SLC1A6: variants seen among roughly 807,000 people sequenced by gnomAD.
SLC1A6 encodes the protein solute carrier family 1 member 6.
A neutral mutation model predicts 42.1 loss-of-function variants in SLC1A6; 15 were observed. The ratio of observed to expected loss-of-function variants is 0.36; its 90% CI spans 0.24 to 0.55. The LOEUF is 0.55. Among genes scored for constraint, SLC1A6 ranks in the 20% least tolerant of loss-of-function variants. The probability of loss-of-function intolerance (pLI) is 0.88; values close to 1 mark genes in which losing one functional copy is unlikely to be tolerated. For missense variants in SLC1A6, 542 were observed against 772.5 expected, an observed-to-expected ratio of 0.70 and a Z score of 3.54; for synonymous variants, 317 against 319.7, an observed-to-expected ratio of 0.99 and a Z score of 0.09.
intron 7 of SLC1A6, among the ~76,000 whole-genome samples, chr19:14,955,466 A>C (rs1480427456): frequency 8.6e-5 from 13 of 151,438 alleles, no homozygotes; most frequent in African/African-American, 2.9e-4. Flanking sequence ...GGGCTAAAAA[A>C]TTAGCCGGGA....
chr19:14,972,781 T>C lies in SLC1A6; in HGVS notation c.130A>G (p.Met44Val), dbSNP rs762561679. 5.0e-6 allele frequency: 8 copies of C among 1,613,840 alleles called. No individual in the cohort carries two copies. The highest frequency in any genetic ancestry group is 5.1e-6 in the Non-Finnish European group (6 of 1,179,972). Residue 44 changes from methionine to valine, a missense_variant, in exon 2 of 10, where the codon ATG becomes GTG. Met to Val is a conservative substitution (Grantham distance 21, BLOSUM62 1). Around this residue, in one of 6 missense-constraint regions of SLC1A6, gnomAD observed 88 missense variants for 85.5 expected, o/e 1.03. Coordinates refer to ENST00000594383, the MANE Select transcript of SLC1A6 (RefSeq NM_005071.3). ...ALRTRLRLQT[M>V]TLEHVLRFLR... is the part of the protein sequence containing the mutation. The stretch of plus-strand genomic sequence containing the variant: ...AAGCGCAGCACGTGCTCGAGGGTCA[T>C]GGTCTGCAGGCGCAGGCGCGTGCGC...
At chr19:15,005,333 A>C (rs1457656135) in intron 1 of SLC1A6, among the ~76,000 whole-genome samples, 1 of 151,944 alleles carries the variant, frequency 6.6e-6, no homozygotes, top group Non-Finnish European at 1.5e-5. Flanking sequence ...AATGGTGAAC[A>C]AATTGTTCTA....
intron 1 of SLC1A6, among the ~76,000 whole-genome samples, chr19:14,994,456 TCTGCAATC>T (rs1351278796): frequency 2.6e-5 from 4 of 152,118 alleles, no homozygotes; most frequent in African/African-American, 9.7e-5. Flanking sequence ...CTGCATGGAT[TCTGCAATC>T]CTGTATGGTT....
At chr19:15,001,180 A>AC (rs534948138) in intron 1 of SLC1A6, among the ~76,000 whole-genome samples, 14,801 of 65,188 alleles carry the variant, frequency 0.23, 885 homozygotes, top group East Asian at 0.42. Context: ...TGGGCTGGGA[A>AC]CTTAGTTATT....
chr19:14,978,355 G>A (rs1352474639), intron 1 of SLC1A6: 1 of 152,258 alleles, frequency 6.6e-6, no homozygotes. Flanking sequence ...AGCCAGAGGA[G>A]TGAGTGAGGG....
At chr19:14,983,559 G>C (rs111241469), upstream of SLC1A6, among the ~76,000 whole-genome samples, 769 of 151,918 alleles carry the variant, frequency 5.1e-3, 8 homozygotes, top group African/African-American at 0.018. Context: ...TATGGGGGGC[G>C]TGCCTGTGGT....
chr19:15,007,096 C>A (rs149076722), intron 1 of SLC1A6, among the ~76,000 whole-genome samples: 1 of 152,094 alleles, frequency 6.6e-6, no homozygotes, highest in African/African-American at 2.4e-5. Context: ...ATAGGAGAGG[C>A]GAGGTCAATG....
chr19:14,975,613 G>T (rs1015658111), intron 1 of SLC1A6, among the ~76,000 whole-genome samples: 1 of 151,860 alleles, frequency 6.6e-6, no homozygotes, highest in African/African-American at 2.4e-5. Flanking sequence ...AAATTAGCTG[G>T]ATGTGTCACA....
chr19:14,958,265 G>C (rs1377235370), intron 6 of SLC1A6, among the ~76,000 whole-genome samples: 1 of 151,946 alleles, frequency 6.6e-6, no homozygotes, highest in East Asian at 1.9e-4. Context: ...AAAAAAATTA[G>C]TCAGGTGTGG....
intron 1 of SLC1A6, among the ~76,000 whole-genome samples, chr19:14,998,577 C>CA (rs1406088119): frequency 6.6e-6 from 1 of 151,900 alleles, no homozygotes; most frequent in African/African-American, 2.4e-5. Context: ...ACAACAACAA[C>CA]AAAAAAAGCA....
In SLC1A6 at chr19:14,972,829, C is replaced by T; in HGVS notation, c.82G>A (p.Glu28Lys). 6.2e-7 allele frequency: 1 copy of T among 1,607,468 alleles called. No homozygotes were observed. The highest frequency in any genetic ancestry group is 8.5e-7 in the Non-Finnish European group (1 of 1,177,766). The change falls in exon 2 of 10, where the codon GAA becomes AAA. Residue 28 changes from glutamate to lysine, a missense_variant. Coordinates refer to ENST00000594383, the MANE Select transcript of SLC1A6 (RefSeq NM_005071.3). ...GRVGWLQRLQESLQQRALRTR... is the reference protein window; with the variant it reads ...GRVGWLQRLQKSLQQRALRTR... ...CGCAGTGCTCTCTGCTGCAGGCTTTCCTGCAGCCGCTGCAGCCAGCCCACC... is the reference window on the plus strand; with the variant it reads ...CGCAGTGCTCTCTGCTGCAGGCTTTTCTGCAGCCGCTGCAGCCAGCCCACC...
intron 1 of SLC1A6, among the ~76,000 whole-genome samples, chr19:14,990,787 A>AAC (rs2045816003): frequency 1.3e-5 from 1 of 78,536 alleles, no homozygotes; most frequent in South Asian, 3.7e-4. Flanking sequence ...AAAACAAAAC[A>AAC]AAAAAAAAAA....
At chr19:14,968,847 AACTAT>A (rs1299477570) in intron 3 of SLC1A6, among the ~76,000 whole-genome samples, 6 of 105,398 alleles carry the variant, frequency 5.7e-5, no homozygotes, top group South Asian at 2.7e-4. Context: ...ACCATAACCT[AACTAT>A]TTTTTTTTTG....
At chr19:14,953,087 G>A (rs376061482) in intron 8 of SLC1A6, 25 bp from the exon 9 acceptor site, 1 of 1,587,882 alleles carries the variant, frequency 6.3e-7, no homozygotes. Flanking sequence ...AGAACATGGG[G>A]AGCAGATGGA....
chr19:14,978,577 C>G (rs1374981695), intron 1 of SLC1A6, among the ~76,000 whole-genome samples: 1 of 152,032 alleles, frequency 6.6e-6, no homozygotes, highest in African/African-American at 2.4e-5. Context: ...AATCCCTACA[C>G]ACACACACTT....
intron 1 of SLC1A6, among the ~76,000 whole-genome samples, chr19:14,986,206 T>G (rs532586912): frequency 2.6e-4 from 40 of 151,536 alleles, no homozygotes; most frequent in Non-Finnish European, 4.1e-4. Flanking sequence ...TAAAAAGACA[T>G]ATACTCAAGA....
At chr19:14,958,528 G>C (rs903731625) in intron 6 of SLC1A6, among the ~76,000 whole-genome samples, 3 of 152,098 alleles carry the variant, frequency 2.0e-5, no homozygotes, top group African/African-American at 7.2e-5. Context: ...GAGGATGCAC[G>C]GGGCTTCTCC....
chr19:14,985,372 T>A (rs2045788058), intron 1 of SLC1A6, among the ~76,000 whole-genome samples: 1 of 152,116 alleles, frequency 6.6e-6, no homozygotes, highest in Non-Finnish European at 1.5e-5. Flanking sequence ...CGGGGGTGGA[T>A]TTTTTGTGAA....
At chr19:14,977,287 C>T (rs1456810864) in intron 1 of SLC1A6, 2 of 152,150 alleles carry the variant, frequency 1.3e-5, no homozygotes, top group Admixed American at 6.5e-5. Context: ...ATTCAGCCTA[C>T]TGCTTGTTTT....
Sources: allele counts gnomAD v4.1 joint callset (sites outside exome capture counted in the v4.1 genomes callset), GRCh38; gene constraint gnomAD v4.1.1; regional missense constraint gnomAD v4.1.1; transcripts MANE v1.5; gene names NCBI Gene and HGNC (gene_info 2026-07-23, HGNC 2026-07-21).